The following ZNF385D variants were observed in gnomAD, a reference collection of about 807,000 sequenced individuals.
ZNF385D encodes zinc finger protein 659.
Under a neutral mutation model 35.8 loss-of-function variants are expected in ZNF385D, and 15 were observed. That is an observed-to-expected ratio of 0.42 (90% CI 0.28 to 0.64). The LOEUF is 0.64. ZNF385D is among the 30% of genes least tolerant of loss of function. The pLI is 0.23. For missense variants in ZNF385D, 474 were observed against 494.6 expected, an observed-to-expected ratio of 0.96 and a Z score of 0.39; for synonymous variants, 212 against 186.8, an observed-to-expected ratio of 1.13 and a Z score of -1.10.
At chr3:22,024,346 T>C (rs1436738096) in intron 3 of ZNF385D, among the ~76,000 whole-genome samples, 1 of 152,070 alleles carries the variant, frequency 6.6e-6, no homozygotes, top group Admixed American at 6.6e-5. Context: ...AGGATACCTA[T>C]ATATCCTATT....
intron 2 of ZNF385D, among the ~76,000 whole-genome samples, chr3:22,190,711 T>C (rs900275175): frequency 2.0e-4 from 31 of 152,186 alleles, no homozygotes; most frequent in Non-Finnish European, 1.5e-5. Context: ...TAGTATTTTT[T>C]AGTGAAGGTG....
intron 3 of ZNF385D, among the ~76,000 whole-genome samples, chr3:22,043,562 G>T (rs899283057): frequency 6.6e-6 from 1 of 151,666 alleles, no homozygotes; most frequent in South Asian, 2.1e-4. Flanking sequence ...CCTATACATT[G>T]TTCTAAAGGC....
At chr3:21,747,710 C>G (rs1405038699) in intron 1 of ZNF385D, among the ~76,000 whole-genome samples, 1 of 152,208 alleles carries the variant, frequency 6.6e-6, no homozygotes, top group African/African-American at 2.4e-5. Context: ...AGCAAATAAC[C>G]TGCCCTTCAT....
intron 2 of ZNF385D, among the ~76,000 whole-genome samples, chr3:22,231,436 G>A (rs979566258): frequency 2.0e-5 from 3 of 152,134 alleles, no homozygotes; most frequent in African/African-American, 7.2e-5. Flanking sequence ...CCTCGCTCAA[G>A]TTAGTTTACT....
intron 3 of ZNF385D, among the ~76,000 whole-genome samples, chr3:22,143,867 C>A (rs1285067753): frequency 6.6e-6 from 1 of 151,908 alleles, no homozygotes; most frequent in African/African-American, 2.4e-5. Flanking sequence ...TGTATTATTT[C>A]TTTGTCATTA....
intron 2 of ZNF385D, among the ~76,000 whole-genome samples, chr3:22,362,295 A>G (rs116058085): frequency 0.01 from 1,559 of 151,570 alleles, 24 homozygotes; most frequent in African/African-American, 0.035. Flanking sequence ...ATTTTTTTTT[A>G]TTTATGAAGA....
intron 4 of ZNF385D, among the ~76,000 whole-genome samples, chr3:21,471,295 T>TCTCA (rs1296080326): frequency 7.0e-5 from 6 of 86,280 alleles, no homozygotes; most frequent in East Asian, 2.8e-4. Context: ...TCTCTCTCTC[T>TCTCA]CACACACACA....
At chr3:22,133,031 A>C (rs1255133975) in intron 3 of ZNF385D, among the ~76,000 whole-genome samples, 2 of 152,182 alleles carry the variant, frequency 1.3e-5, no homozygotes. Context: ...TAGTTTCCCC[A>C]AGGACTAAAA....
chr3:22,073,723 GTT>G (rs1202668873), intron 3 of ZNF385D, among the ~76,000 whole-genome samples: 1 of 151,928 alleles, frequency 6.6e-6, no homozygotes, highest in Non-Finnish European at 1.5e-5. Context: ...GGGTTGGACA[GTT>G]TGTATTAAGA....
At chr3:22,059,044 G>C (rs537854271) in intron 3 of ZNF385D, among the ~76,000 whole-genome samples, 1 of 152,308 alleles carries the variant, frequency 6.6e-6, no homozygotes, top group Admixed American at 6.5e-5. Flanking sequence ...AAAGGACATT[G>C]GTAGGACACA....
chr3:21,754,985 T>C (rs1460102957), upstream of ZNF385D, among the ~76,000 whole-genome samples: 1 of 152,230 alleles, frequency 6.6e-6, no homozygotes, highest in African/African-American at 2.4e-5. Flanking sequence ...TTCACACAAA[T>C]TGAATTTGTC....
intron 3 of ZNF385D, among the ~76,000 whole-genome samples, chr3:21,766,940 G>A (rs11921618): frequency 0.82 from 125,178 of 152,036 alleles, 51,800 homozygotes; most frequent in East Asian, 0.98. Context: ...TACCTAATCC[G>A]ACACTTGACT....
chr3:21,665,927 T>A (rs2066392162), intron 1 of ZNF385D, among the ~76,000 whole-genome samples: 1 of 152,206 alleles, frequency 6.6e-6, no homozygotes, highest in Non-Finnish European at 1.5e-5. Context: ...TGTTAAAATA[T>A]GCCAGCATTC....
At chr3:22,186,857 G>C (rs1039919039) in intron 2 of ZNF385D, among the ~76,000 whole-genome samples, 1 of 152,154 alleles carries the variant, frequency 6.6e-6, no homozygotes, top group African/African-American at 2.4e-5. Context: ...GAAAATGTCA[G>C]TATTTTTAGT....
intron 4 of ZNF385D, among the ~76,000 whole-genome samples, chr3:21,457,352 T>C (rs1353172296): frequency 1.3e-5 from 2 of 151,448 alleles, no homozygotes; most frequent in Admixed American, 6.6e-5. Flanking sequence ...TTGTCGTTGT[T>C]GTTGTTGTTG....
chr3:21,746,190 C>A (rs753264030), intron 1 of ZNF385D, among the ~76,000 whole-genome samples: 1 of 152,186 alleles, frequency 6.6e-6, no homozygotes, highest in Non-Finnish European at 1.5e-5. Context: ...TTTTTTGGAA[C>A]AACTATGTCA....
chr3:21,924,257 G>A (rs1365045426), intron 3 of ZNF385D, among the ~76,000 whole-genome samples: 1 of 152,200 alleles, frequency 6.6e-6, no homozygotes, highest in Admixed American at 6.5e-5. Context: ...TCTTAAAGGT[G>A]AAGAGAAGAA....
intron 3 of ZNF385D, among the ~76,000 whole-genome samples, chr3:22,037,531 T>C (rs1436616943): frequency 2.0e-5 from 3 of 152,182 alleles, no homozygotes; most frequent in Non-Finnish European, 4.4e-5. Flanking sequence ...TGTCTGTTCA[T>C]ATCCTTCACC....
intron 3 of ZNF385D, among the ~76,000 whole-genome samples, chr3:22,145,618 T>C (rs1704800083): frequency 1.3e-5 from 2 of 152,172 alleles, no homozygotes; most frequent in African/African-American, 4.8e-5. Flanking sequence ...ATAACAAATA[T>C]ATGCGATTTT....
Sources: allele counts gnomAD v4.1 joint callset (sites outside exome capture counted in the v4.1 genomes callset), GRCh38; gene constraint gnomAD v4.1.1; transcripts MANE v1.5; gene names NCBI Gene and HGNC (gene_info 2026-07-23, HGNC 2026-07-21).